IGF2R: variants seen among roughly 807,000 people sequenced by gnomAD.
IGF2R encodes the protein cation-independent mannose-6-phosphate receptor.
IGF2R carries 91 observed loss-of-function variants against 270.6 expected under a neutral mutation model. That is an observed-to-expected ratio of 0.34 (90% CI 0.28 to 0.40). IGF2R has a LOEUF of 0.40. Among genes scored for constraint, IGF2R ranks in the 10% least tolerant of loss-of-function variants. The pLI is 1.00. For missense variants in IGF2R, 2,805 were observed against 3,188.3 expected, an observed-to-expected ratio of 0.88 and a Z score of 2.90; for synonymous variants, 1,316 against 1,258.9, an observed-to-expected ratio of 1.05 and a Z score of -0.96.
Position 159,969,653 on chromosome 6 carries a change from C to G in IGF2R, c.149+258C>G, listed in dbSNP as rs527826245. Among the ~76,000 whole-genome samples, 8 of 152,262 alleles carry G rather than the reference C, an allele frequency of 5.3e-5. No homozygotes were observed. The South Asian group carries it at 1.7e-3, about 32-fold the overall frequency. The stretch of plus-strand genomic sequence containing the variant: ...CCCGCGTCCGGCCACTTGTGGCTGT[C>G]GCTGAGTCGGGGGTGGCTTTGTGCG... On this transcript the variant is annotated intron_variant, in intron 1 of 47. Transcript: ENST00000356956.
intron 1 of IGF2R, among the ~76,000 whole-genome samples, chr6:159,975,383 G>A (rs552410479): frequency 7.9e-5 from 12 of 152,288 alleles, no homozygotes; most frequent in Middle Eastern, 3.4e-3. Flanking sequence ...AGGAATTGCC[G>A]TGCATTCAAC....
chr6:160,047,677 G>A (rs1778099379), intron 16 of IGF2R, 115 bp from the exon 17 acceptor site: 1 of 740,298 alleles, frequency 1.4e-6, no homozygotes, highest in South Asian at 1.6e-5. Context: ...GGCAGACTAA[G>A]CTTTTCTTCA....
At chr6:160,061,961 C>T (rs1380318032) in intron 25 of IGF2R, 33 bp downstream of exon 25, 2 of 1,591,888 alleles carry the variant, frequency 1.3e-6, no homozygotes, top group Admixed American at 1.7e-5. Flanking sequence ...AGATGTTGTC[C>T]CCGGGTGACT....
chr6:160,013,417 A>G (rs992114967), intron 4 of IGF2R, among the ~76,000 whole-genome samples: 2 of 151,520 alleles, frequency 1.3e-5, no homozygotes, highest in African/African-American at 4.8e-5. Flanking sequence ...TTGTAAAAAA[A>G]AAAAAAAAAA....
At position 160,025,933 on chromosome 6, in the gene IGF2R, T is replaced by C. The variant is rs536377142; in HGVS notation, c.646+1229T>C. Among the ~76,000 whole-genome samples, 4 of 152,372 alleles carry C rather than the reference T, an allele frequency of 2.6e-5. No homozygotes were observed. The East Asian group carries it at 7.7e-4, about 29-fold the overall frequency. ...AGTATTTTCTTACAAGTTTTTTCTT[T>C]CCAATTTATTGGCAATTTGAGTAGA... On this transcript the variant is annotated intron_variant, in intron 5 of 47. Coordinates refer to ENST00000356956, the MANE Select transcript of IGF2R (RefSeq NM_000876.4).
At chr6:159,990,854 G>T (rs1034334136) in intron 1 of IGF2R, among the ~76,000 whole-genome samples, 1 of 152,020 alleles carries the variant, frequency 6.6e-6, no homozygotes, top group Non-Finnish European at 1.5e-5. Context: ...GGTCTTGAAC[G>T]CCTGACCTCG....
At chr6:160,077,537 G>A (rs1016969275) in intron 36 of IGF2R, among the ~76,000 whole-genome samples, 2 of 152,192 alleles carry the variant, frequency 1.3e-5, no homozygotes, top group African/African-American at 4.8e-5. Flanking sequence ...GGTGATTAGT[G>A]TTTACTTGAT....
chr6:160,081,471 G>C (rs1274619090), intron 39 of IGF2R, among the ~76,000 whole-genome samples: 1 of 152,218 alleles, frequency 6.6e-6, no homozygotes. Context: ...CACAAGGTCA[G>C]CGCGAAACTA....
At position 160,004,925 on chromosome 6, in the gene IGF2R, G is replaced by T. The variant is rs1452598638; in HGVS notation, c.290-4085G>T. 6.6e-6 allele frequency: 1 copy of T among 152,188 alleles called. No individual in the cohort carries two copies. Among genetic ancestry groups the T allele is most frequent in the East Asian group, 1.9e-4 (1 of 5,176 alleles). The allele number at this position is 152,188 out of a possible 1,614,324, so 9.4% of individuals were successfully genotyped here. ...GTCTCCCCAAGCTGGCGGCTGGGTCGGGTTTTATAAGCATAAGCTTATTAC... is the reference window on the plus strand; with the variant it reads ...GTCTCCCCAAGCTGGCGGCTGGGTCTGGTTTTATAAGCATAAGCTTATTAC... On this transcript the variant is annotated intron_variant, in intron 2 of 47. Transcript: ENST00000356956. The surrounding 1 kb of genome is among the most constrained non-coding windows in gnomAD (Gnocchi z 5.2).
chr6:159,975,888 G>A (rs1406956166), intron 1 of IGF2R, among the ~76,000 whole-genome samples: 1 of 150,930 alleles, frequency 6.6e-6, no homozygotes, highest in Non-Finnish European at 1.5e-5. Flanking sequence ...ATCTAGTTCT[G>A]TTTACTAATA....
rs546380749 is a variant in IGF2R at position 160,038,863 on chromosome 6, A to AT, written c.1316-1697_1316-1696insT. 2.6e-4 allele frequency among the ~76,000 whole-genome samples: 40 copies of AT among 151,906 alleles called. 1 individual carries two copies. The South Asian group carries it at 7.9e-3, about 30-fold the overall frequency. On this transcript the variant is annotated intron_variant, in intron 10 of 47. Coordinates refer to ENST00000356956, the MANE Select transcript of IGF2R (RefSeq NM_000876.4). ...AAAGAAAAAAAGAAAAATAGAAAAA[A>AT]CCCCACAGTAGAGTGGGGCAATCTT...
chr6:160,022,653 C>G (rs1246244948), intron 4 of IGF2R, among the ~76,000 whole-genome samples: 4 of 152,172 alleles, frequency 2.6e-5, no homozygotes, highest in Non-Finnish European at 4.4e-5. Context: ...GTGACAAACC[C>G]TTGACCTCAA....
At position 160,065,814 on chromosome 6, in the gene IGF2R, G is replaced by GTATATATATATATA. The variant is rs59035193; in HGVS notation, c.4115+931_4115+944dup. ...TGTGTGTGTGTGTGTGTGTGTGTGT[G>GTATATATATATATA]TATATATATATATATATATATATAT... On this transcript the variant is annotated intron_variant, in intron 29 of 47. Transcript: ENST00000356956. Among the ~76,000 whole-genome samples the GTATATATATATATA allele has an allele frequency of 4.0e-3, 313 of 78,182 alleles. 4 individuals are homozygous for GTATATATATATATA. The highest frequency in any genetic ancestry group is 0.011 in the Admixed American group (67 of 6,058). The allele number at this position is 78,182 out of a possible 152,430, so 51.3% of individuals were successfully genotyped here.
chr6:159,989,319 G>C (rs145331467), intron 1 of IGF2R, among the ~76,000 whole-genome samples: 12 of 152,274 alleles, frequency 7.9e-5, no homozygotes, highest in East Asian at 3.9e-4. Flanking sequence ...GGGCACGTGG[G>C]GGGGCCTGGT....
intron 6 of IGF2R, 116 bp downstream of exon 6, chr6:160,027,430 G>A (rs2297356): frequency 0.13 from 146,396 of 1,152,642 alleles, 10,121 homozygotes; most frequent in East Asian, 0.23. Flanking sequence ...CTGCAGCATT[G>A]CTGCTTCACA....
chr6:160,019,834 A>G (rs190259488), intron 4 of IGF2R, among the ~76,000 whole-genome samples: 79 of 152,366 alleles, frequency 5.2e-4, no homozygotes, highest in Non-Finnish European at 4.3e-4. Context: ...CATATACGAC[A>G]GAACCACAGC....
chr6:160,089,057 C>A, intron 42 of IGF2R, 50 bp from the exon 43 acceptor site: 1 of 1,587,108 alleles, frequency 6.3e-7, no homozygotes, highest in South Asian at 1.1e-5. Context: ...GCAGTCTTCC[C>A]TTATGTCTGG....
chr6:160,010,430 T>C, intron 3 of IGF2R: 1 of 350,600 alleles, frequency 2.9e-6, no homozygotes, highest in Non-Finnish European at 5.2e-6. Flanking sequence ...TCACTCAATG[T>C]ACTTGCACAG....
At chr6:160,064,296 C>G in intron 27 of IGF2R, 105 bp from the exon 28 acceptor site, 9 of 1,318,060 alleles carry the variant, frequency 6.8e-6, no homozygotes, top group Non-Finnish European at 9.9e-6. Flanking sequence ...GCCAGGGATA[C>G]TTTGTCTCAC....
Sources: gnomAD v4.1 joint callset for allele counts (sites outside exome capture counted in the v4.1 genomes callset) on GRCh38, gnomAD v4.1.1 for gene constraint, Gnocchi (gnomAD v3.1) non-coding constraint, MANE v1.5 for transcripts, NCBI Gene and HGNC (gene_info 2026-07-23, HGNC 2026-07-21) for gene names.